KIF16B: variants seen among roughly 807,000 people sequenced by gnomAD.
The protein encoded by KIF16B is kinesin family member 16B.
Under a neutral mutation model 156.3 loss-of-function variants are expected in KIF16B, and 98 were observed. That is an observed-to-expected ratio of 0.63 (90% CI 0.53 to 0.74). KIF16B has a LOEUF of 0.74. Among genes scored for constraint, KIF16B ranks in the 30% least tolerant of loss-of-function variants. The pLI is 0.00. For missense variants in KIF16B, 1,421 were observed against 1,606.5 expected (o/e 0.88, Z 1.97); for synonymous variants, 564 against 583.7 (o/e 0.97, Z 0.49).
intron 12 of KIF16B, among the ~76,000 whole-genome samples, chr20:16,473,751 T>A (rs577255881): frequency 2.0e-5 from 3 of 152,328 alleles, no homozygotes; most frequent in South Asian, 4.1e-4. Flanking sequence ...ATTCATTCTG[T>A]GTCATTAATT....
chr20:16,539,661 C>T (rs988003191), intron 1 of KIF16B, among the ~76,000 whole-genome samples: 2 of 152,214 alleles, frequency 1.3e-5, no homozygotes, highest in African/African-American at 4.8e-5. Flanking sequence ...TGCTGCTATG[C>T]TTCCTGTACA....
At chr20:16,463,845 T>G (rs945988649) in intron 12 of KIF16B, among the ~76,000 whole-genome samples, 2 of 152,210 alleles carry the variant, frequency 1.3e-5, no homozygotes, top group African/African-American at 4.8e-5. Context: ...TGCCAGCATA[T>G]AGAGTATTAA....
chr20:16,418,869 A>T (rs915949194), intron 15 of KIF16B, among the ~76,000 whole-genome samples: 1 of 151,930 alleles, frequency 6.6e-6, no homozygotes, highest in Non-Finnish European at 1.5e-5. Context: ...CCCTCCCTCA[A>T]TGTGTCTGCT....
chr20:16,426,514 T>C (rs1000644848), intron 15 of KIF16B, among the ~76,000 whole-genome samples: 1 of 152,092 alleles, frequency 6.6e-6, no homozygotes, highest in African/African-American at 2.4e-5. Flanking sequence ...TTGAACGAGG[T>C]CTGAGGATCC....
chr20:16,562,046 C>G (rs572705429), intron 1 of KIF16B, among the ~76,000 whole-genome samples: 1 of 152,262 alleles, frequency 6.6e-6, no homozygotes, highest in African/African-American at 2.4e-5. Context: ...GATCATTGTG[C>G]TGTGGTTACA....
chr20:16,491,398 A>G (rs117331529), intron 12 of KIF16B, among the ~76,000 whole-genome samples: 329 of 152,340 alleles, frequency 2.2e-3, no homozygotes, highest in Middle Eastern at 3.4e-3. Flanking sequence ...AGGAAGGCAG[A>G]CTAAGGGGCA....
intron 4 of KIF16B, among the ~76,000 whole-genome samples, chr20:16,514,629 G>A (rs1167019645): frequency 2.8e-5 from 4 of 144,908 alleles, no homozygotes; most frequent in African/African-American, 1.0e-4. Flanking sequence ...AGTGGCTCAC[G>A]CCTGTAATCC....
At chr20:16,405,846 A>ATTTC (rs779591062) in intron 16 of KIF16B, among the ~76,000 whole-genome samples, 2 of 152,134 alleles carry the variant, frequency 1.3e-5, no homozygotes, top group South Asian at 2.1e-4. Context: ...CCCTGAACAG[A>ATTTC]TTTCTTTCTT....
At chr20:16,350,032 A>C (rs2064305951) in intron 23 of KIF16B, among the ~76,000 whole-genome samples, 1 of 152,170 alleles carries the variant, frequency 6.6e-6, no homozygotes, top group Admixed American at 6.5e-5. Context: ...TTCATTACTC[A>C]TGTTTTCTCT....
intron 25 of KIF16B, among the ~76,000 whole-genome samples, chr20:16,285,986 C>T (rs2063216969): frequency 6.6e-6 from 1 of 152,214 alleles, no homozygotes; most frequent in Non-Finnish European, 1.5e-5. Context: ...CATAGTTTCT[C>T]ATTCTGAAAT....
chr20:16,390,104 T>C (rs939349049), intron 17 of KIF16B, among the ~76,000 whole-genome samples: 5 of 152,158 alleles, frequency 3.3e-5, no homozygotes, highest in Non-Finnish European at 7.3e-5. Flanking sequence ...TTAAACCCTC[T>C]TAAGTAAACG....
At chr20:16,390,609 C>T (rs1474668364) in intron 17 of KIF16B, among the ~76,000 whole-genome samples, 1 of 152,192 alleles carries the variant, frequency 6.6e-6, no homozygotes, top group African/African-American at 2.4e-5. Context: ...TCTTCCAACT[C>T]CTCATCCATT....
At chr20:16,425,800 T>C (rs748136904) in intron 15 of KIF16B, among the ~76,000 whole-genome samples, 7 of 152,142 alleles carry the variant, frequency 4.6e-5, no homozygotes, top group Admixed American at 6.6e-5. Context: ...TAAGGGAACA[T>C]AGTCAACTCT....
In KIF16B at chr20:16,508,047, C is replaced by T. The variant is rs536989802; in HGVS notation, c.610G>A (p.Ala204Thr). 1 of 1,614,112 alleles carries T rather than the reference C, an allele frequency of 6.2e-7. No individual in the cohort carries two copies. Among genetic ancestry groups the T allele is most frequent in the Non-Finnish European group, 8.5e-7 (1 of 1,179,994 alleles). The change falls in exon 7 of 26, where the codon GCG (alanine) becomes ACG (threonine). Residue 204 changes from alanine to threonine, a missense_variant. Ala to Thr is a moderately conservative substitution (Grantham distance 58). Transcript: ENST00000354981. ...GCGGTGGTCCGGTTGATATTGCCCG[C>T]ATCCATAAGTTCTTCTACGTCACCA... ...NYGDVEELMD[A>T]GNINRTTAAT...
At chr20:16,492,653 C>A (rs1009401133) in intron 12 of KIF16B, among the ~76,000 whole-genome samples, 4 of 151,742 alleles carry the variant, frequency 2.6e-5, no homozygotes, top group Non-Finnish European at 2.9e-5. Flanking sequence ...GGTGTGGATA[C>A]CCTTTACAGA....
At chr20:16,502,565 C>G (rs10485554) in intron 10 of KIF16B, among the ~76,000 whole-genome samples, 6,359 of 152,100 alleles carry the variant, frequency 0.042, 175 homozygotes, top group Non-Finnish European at 0.067. Context: ...AACAAAAATA[C>G]TCCCTTAAAC....
intron 1 of KIF16B, among the ~76,000 whole-genome samples, chr20:16,539,849 G>C (rs1383481158): frequency 1.3e-5 from 2 of 152,188 alleles, no homozygotes; most frequent in African/African-American, 4.8e-5. Flanking sequence ...GATGACATCT[G>C]GTCAATCCAT....
chr20:16,488,874 G>A (rs11905366), intron 12 of KIF16B, among the ~76,000 whole-genome samples: 8,952 of 152,286 alleles, frequency 0.059, 552 homozygotes, highest in African/African-American at 0.16. Context: ...AGCTTCCTAT[G>A]TGAATGGAGC....
chr20:16,351,280 T>C (rs534453264), intron 23 of KIF16B, among the ~76,000 whole-genome samples: 1 of 152,310 alleles, frequency 6.6e-6, no homozygotes, highest in African/African-American at 2.4e-5. Context: ...AAACACCAGC[T>C]TATTTCTATG....
Sources: allele counts gnomAD v4.1 joint callset (sites outside exome capture counted in the v4.1 genomes callset), GRCh38; gene constraint gnomAD v4.1.1; transcripts MANE v1.5; gene names NCBI Gene and HGNC (gene_info 2026-07-23, HGNC 2026-07-21).